FHIT: variants seen among roughly 807,000 people sequenced by gnomAD.
FHIT encodes the protein bis(5'-adenosyl)-triphosphatase.
Under a neutral mutation model 17.9 loss-of-function variants are expected in FHIT, and 19 were observed. The observed-to-expected ratio is 1.06, with a 90% CI of 0.74 to 1.56. FHIT has a LOEUF of 1.56. Ranked by LOEUF, FHIT falls within the 40% of genes most tolerant of loss-of-function variation. The probability of loss-of-function intolerance (pLI) is 0.00; values close to 1 mark genes in which losing one functional copy is unlikely to be tolerated. For synonymous variants in FHIT, 81 were observed against 69.7 expected (o/e 1.16, Z -0.81); for missense variants, 248 against 189.2 (o/e 1.31, Z -1.82).
chr3:60,058,099 G>C (rs1298381143), intron 5 of FHIT, among the ~76,000 whole-genome samples: 4 of 148,272 alleles, frequency 2.7e-5, no homozygotes, highest in African/African-American at 7.4e-5. Context: ...CCGGGGAATA[G>C]GGAGTTATTG....
rs542635573 is a variant in FHIT at position 60,185,089 on chromosome 3, T to A, written c.104-170937A>T. Among the ~76,000 whole-genome samples, 21 of 152,316 alleles carry A rather than the reference T, an allele frequency of 1.4e-4. 2 individuals carry two copies. The South Asian group carries it at 3.9e-3, about 29-fold the overall frequency. On this transcript the variant is annotated intron_variant, in intron 5 of 9. Transcript: ENST00000492590. ...TGCCATTTCTCCAAAGAACCTTGGTTTCTTTTATTGGGAAATGGAATTAGA... is the reference window on the plus strand; with the variant it reads ...TGCCATTTCTCCAAAGAACCTTGGTATCTTTTATTGGGAAATGGAATTAGA...
chr3:60,881,416 G>A (rs1473792911), intron 3 of FHIT, among the ~76,000 whole-genome samples: 1 of 152,134 alleles, frequency 6.6e-6, no homozygotes, highest in African/African-American at 2.4e-5. Flanking sequence ...AGTTTATACT[G>A]CATTTTAGCT....
At chr3:60,981,445 C>G (rs768522977) in intron 3 of FHIT, among the ~76,000 whole-genome samples, 1 of 151,980 alleles carries the variant, frequency 6.6e-6, no homozygotes, top group Non-Finnish European at 1.5e-5. Flanking sequence ...GCTGGGACTA[C>G]AGGTGCACGC....
At chr3:61,031,957 T>C (rs2033028592) in intron 3 of FHIT, among the ~76,000 whole-genome samples, 1 of 152,256 alleles carries the variant, frequency 6.6e-6, no homozygotes, top group African/African-American at 2.4e-5. Flanking sequence ...CATTGGGAAC[T>C]AACTGCTCAG....
Position 60,932,524 on chromosome 3 carries a change from TCTC to T in FHIT, c.-111+109520_-111+109522del, listed in dbSNP as rs375989823. ...GGGGGTATCTATTCCCCATTTCCTC[TCTC>T]CTCCCCTCACACTGCACAACTGAGA... On this transcript the variant is annotated intron_variant, in intron 3 of 9. Coordinates refer to ENST00000492590, the MANE Select transcript of FHIT (RefSeq NM_002012.4). Among the ~76,000 whole-genome samples the T allele has an allele frequency of 1.8e-4, 28 of 152,202 alleles. 1 individual carries two copies. The highest frequency in any genetic ancestry group is 6.7e-4 in the African/African-American group (28 of 41,540).
At chr3:61,097,040 A>G (rs920215583) in intron 2 of FHIT, among the ~76,000 whole-genome samples, 1 of 149,328 alleles carries the variant, frequency 6.7e-6, no homozygotes, top group Non-Finnish European at 1.5e-5. Context: ...GATTGCACCA[A>G]TGCACTTCAG....
chr3:60,286,649 T>C (rs866993272), intron 5 of FHIT, among the ~76,000 whole-genome samples: 2 of 152,302 alleles, frequency 1.3e-5, no homozygotes, highest in South Asian at 2.1e-4. Context: ...ATAGCAACCA[T>C]AATGAAAATG....
At chr3:61,213,299 G>A (rs948314044) in intron 1 of FHIT, among the ~76,000 whole-genome samples, 18 of 152,234 alleles carry the variant, frequency 1.2e-4, no homozygotes, top group African/African-American at 4.3e-4. Flanking sequence ...CAAAATAAAG[G>A]GATGGAGGAA....
intron 8 of FHIT, among the ~76,000 whole-genome samples, chr3:59,905,670 GTC>G (rs1214423019): frequency 6.6e-6 from 1 of 152,166 alleles, no homozygotes; most frequent in Non-Finnish European, 1.5e-5. Context: ...ATTTTAAGCT[GTC>G]TCTTAGATAT....
chr3:60,551,069 C>A (rs576897410), intron 4 of FHIT, among the ~76,000 whole-genome samples: 1 of 152,026 alleles, frequency 6.6e-6, no homozygotes, highest in Non-Finnish European at 1.5e-5. Flanking sequence ...ATAAAATGTT[C>A]CAGATGGAGG....
chr3:60,596,295 C>T (rs2038268635), intron 4 of FHIT, among the ~76,000 whole-genome samples: 1 of 152,116 alleles, frequency 6.6e-6, no homozygotes, highest in African/African-American at 2.4e-5. Context: ...GCCCAAACCT[C>T]ATGCCCTTCT....
At chr3:60,357,619 C>A (rs1317571546) in intron 5 of FHIT, among the ~76,000 whole-genome samples, 2 of 152,096 alleles carry the variant, frequency 1.3e-5, no homozygotes, top group Non-Finnish European at 2.9e-5. Flanking sequence ...ACTTAAGGAT[C>A]AATTGACATC....
intron 2 of FHIT, among the ~76,000 whole-genome samples, chr3:61,121,047 A>T (rs1313329351): frequency 6.6e-6 from 1 of 151,962 alleles, no homozygotes; most frequent in Non-Finnish European, 1.5e-5. Context: ...ATTAGAGAAA[A>T]AAGAATGAAA....
At chr3:60,814,877 TTTTG>T (rs1425982603) in intron 4 of FHIT, among the ~76,000 whole-genome samples, 1 of 151,702 alleles carries the variant, frequency 6.6e-6, no homozygotes, top group Non-Finnish European at 1.5e-5. Flanking sequence ...TGTGGTTTTT[TTTTG>T]TTTGTTTAGT....
chr3:60,267,170 A>T (rs1706622286), intron 5 of FHIT, among the ~76,000 whole-genome samples: 1 of 152,036 alleles, frequency 6.6e-6, no homozygotes, highest in African/African-American at 2.4e-5. Context: ...TGTAAAAAAT[A>T]AAAAAGTATA....
chr3:61,105,962 T>C (rs990863960), intron 2 of FHIT, among the ~76,000 whole-genome samples: 9 of 152,212 alleles, frequency 5.9e-5, no homozygotes, highest in African/African-American at 2.2e-4. Context: ...TAAATGGCTC[T>C]AAAGAGAATG....
chr3:60,867,518 G>A (rs534590603), intron 3 of FHIT, among the ~76,000 whole-genome samples: 4 of 152,114 alleles, frequency 2.6e-5, no homozygotes, highest in Non-Finnish European at 5.9e-5. Context: ...GTCTTCAGAA[G>A]GTTTAACTAT....
intron 5 of FHIT, among the ~76,000 whole-genome samples, chr3:60,499,531 A>G (rs56073239): frequency 0.084 from 12,832 of 152,144 alleles, 715 homozygotes; most frequent in East Asian, 0.11. Context: ...AGCTGGGACT[A>G]TAAGTGCCCG....
rs931002631 is a variant in FHIT, at chr3:60,515,791, A to G, written c.103+21069T>C. On this transcript the variant is annotated intron_variant, in intron 5 of 9. Coordinates refer to ENST00000492590, the MANE Select transcript of FHIT (RefSeq NM_002012.4). ...CTCACAACAATTCCGCTGGGTAGATACTATTACCGCCCATTTGAAGCATAA... is the reference window on the plus strand; with the variant it reads ...CTCACAACAATTCCGCTGGGTAGATGCTATTACCGCCCATTTGAAGCATAA... Among the ~76,000 whole-genome samples the G allele has an allele frequency of 2.0e-5, 3 of 152,306 alleles. No individual in the cohort carries two copies. The South Asian group carries it at 6.2e-4, about 32-fold the overall frequency.
Sources: allele counts gnomAD v4.1 joint callset (sites outside exome capture counted in the v4.1 genomes callset), GRCh38; gene constraint gnomAD v4.1.1; transcripts MANE v1.5; gene names NCBI Gene and HGNC (gene_info 2026-07-23, HGNC 2026-07-21).